MAPK8IP2: variants seen among roughly 807,000 people sequenced by gnomAD.
The protein encoded by MAPK8IP2 is C-Jun-amino-terminal kinase-interacting protein 2.
Under a neutral mutation model 75.6 loss-of-function variants are expected in MAPK8IP2, and 15 were observed. The ratio of observed to expected loss-of-function variants is 0.20; its 90% CI spans 0.13 to 0.31. MAPK8IP2 has a LOEUF of 0.31. Among genes scored for constraint, MAPK8IP2 ranks in the 10% least tolerant of loss-of-function variants. The pLI is 1.00. For synonymous variants in MAPK8IP2, 632 were observed against 554.5 expected, an observed-to-expected ratio of 1.14 and a Z score of -1.96; for missense variants, 1,089 against 1,211.2, an observed-to-expected ratio of 0.90 and a Z score of 1.50.
chr22:50,610,343 G>C lies in MAPK8IP2; in HGVS notation c.2402+33G>C. On this transcript the variant is annotated intron_variant, in intron 11 of 11. Transcript: ENST00000329492. This position sits in a 1 kb window ranked among gnomAD's most constrained non-coding sequence, Gnocchi z 4.3. ...GGGCCCCAGGGTGTGGGTGCAGAATGGGTGCAGGGTTACGGAGGTGGGGAG... is the reference window on the plus strand; with the variant it reads ...GGGCCCCAGGGTGTGGGTGCAGAATCGGTGCAGGGTTACGGAGGTGGGGAG... The C allele has an allele frequency of 6.5e-7, 1 of 1,547,162 alleles. No homozygotes were observed. The highest frequency in any genetic ancestry group is 8.8e-7 in the Non-Finnish European group (1 of 1,135,844).
At chr22:50,605,293 C>T in intron 5 of MAPK8IP2, 75 bp from the exon 6 acceptor site, 1 of 1,444,296 alleles carries the variant, frequency 6.9e-7, no homozygotes. Flanking sequence ...GGCCTCTGCC[C>T]AAGGCCAGGC....
At chr22:50,602,060 C>G (rs1036827243) in intron 2 of MAPK8IP2, among the ~76,000 whole-genome samples, 166 bp downstream of exon 2, 1 of 152,188 alleles carries the variant, frequency 6.6e-6, no homozygotes, top group Non-Finnish European at 1.5e-5. Flanking sequence ...GGTATCAACT[C>G]TCTCTTATTC....
chr22:50,606,537 G>T (rs1235374738), intron 8 of MAPK8IP2, 121 bp from the exon 9 acceptor site: 1 of 735,650 alleles, frequency 1.4e-6, no homozygotes, highest in Non-Finnish European at 2.4e-6. Flanking sequence ...GCATCTCAGG[G>T]TCCTCAGCAT....
In MAPK8IP2 at chr22:50,606,874, C is replaced by T. The variant is rs769614032; in HGVS notation, c.2233-47C>T. 3.3e-5 allele frequency: 53 copies of T among 1,597,252 alleles called. No homozygotes were observed. In the South Asian group the frequency reaches 4.4e-4, roughly 13 times the overall value. ...TCCAGTAGGTGGGAGGCAGGGGTGG[C>T]GCCAGGCCTCCTTTGACACAGGGAC... On this transcript the variant is annotated intron_variant, in intron 9 of 11. Transcript: ENST00000329492.
Position 50,602,310 on chromosome 22 carries a change from G to A in MAPK8IP2, c.171+416G>A, listed in dbSNP as rs575578779. 1.3e-3 allele frequency among the ~76,000 whole-genome samples: 204 copies of A among 152,234 alleles called. 4 individuals are homozygous for A. Among genetic ancestry groups the A allele is most frequent in the African/African-American group, 4.7e-3 (197 of 41,530 alleles). On this transcript the variant is annotated intron_variant, in intron 2 of 11. Transcript: ENST00000329492. Reference sequence around the variant, plus strand: ...TCTCCCCCTGCTGAAATCTTTTCTCGTCCATCTCTTGCTTCTCCTCCTCCC... The same window carrying A: ...TCTCCCCCTGCTGAAATCTTTTCTCATCCATCTCTTGCTTCTCCTCCTCCC...
rs968374858 is a variant in MAPK8IP2 at position 50,610,521 on chromosome 22, C to A, written c.2403-186C>A. Reference sequence around the variant, plus strand: ...CAGACACATGGCCCAGGCACTCTGGCAGGGGTAGAATTGCTGGGCCAGGAG... The same window carrying A: ...CAGACACATGGCCCAGGCACTCTGGAAGGGGTAGAATTGCTGGGCCAGGAG... On this transcript the variant is annotated intron_variant, in intron 11 of 11. Transcript: ENST00000329492. This position sits in a 1 kb window ranked among gnomAD's most constrained non-coding sequence, Gnocchi z 4.3. Among the ~76,000 whole-genome samples, 4 of 151,044 alleles carry A rather than the reference C, an allele frequency of 2.6e-5. No homozygotes were observed. The South Asian group carries it at 8.4e-4, about 32-fold the overall frequency.
chr22:50,601,955 A>T, intron 2 of MAPK8IP2, 61 bp downstream of exon 2: 1 of 1,412,714 alleles, frequency 7.1e-7, no homozygotes, highest in Non-Finnish European at 1.0e-6. Flanking sequence ...GGTTCTTCTT[A>T]GCGTTCACTT....
In MAPK8IP2 at chr22:50,613,743, GACCTCC is replaced by G. The variant is rs2071185148; in HGVS notation, c.*2965_*2970del. On this transcript the variant is annotated 3_prime_UTR_variant, in exon 12 of 12. Transcript: ENST00000329492. The stretch of plus-strand genomic sequence containing the variant: ...TGCCCTTCCCTGTTTGTCACTGGGT[GACCTCC>G]CGTCCTTGTGGGCGCTCCCGGGCCC... The G allele has an allele frequency of 6.6e-6, 1 of 152,200 alleles. No homozygotes were observed. The highest frequency in any genetic ancestry group is 2.4e-5 in the African/African-American group (1 of 41,436). The allele number at this position is 152,200 out of a possible 1,614,324, so 9.4% of individuals were successfully genotyped here.
chr22:50,602,040 A>AGGTT (rs2070947101), intron 2 of MAPK8IP2, 146 bp downstream of exon 2: 2 of 651,896 alleles, frequency 3.1e-6, no homozygotes, highest in African/African-American at 3.6e-5. Context: ...TTAACCCTTG[A>AGGTT]GGTTTCCTTG....
intron 1 of MAPK8IP2, chr22:50,601,243 C>T (rs1482117066): frequency 1.3e-5 from 2 of 155,586 alleles, no homozygotes; most frequent in African/African-American, 2.4e-5. Context: ...TCCCGGTGGC[C>T]TTGGCCTCTT....
Position 50,607,092 on chromosome 22 carries a change from C to T in MAPK8IP2, c.2303+101C>T, listed in dbSNP as rs1162920646. On this transcript the variant is annotated intron_variant, in intron 10 of 11. Coordinates refer to ENST00000329492, the MANE Select transcript of MAPK8IP2 (RefSeq NM_012324.6). This position sits in a 1 kb window ranked among gnomAD's most constrained non-coding sequence, Gnocchi z 5.6. Reference sequence around the variant, plus strand: ...ACAGACCCTGAGGGCTGCCCGTGCCCAGCCCTGAGAGCTCCACCTGCACCC... The same window carrying T: ...ACAGACCCTGAGGGCTGCCCGTGCCTAGCCCTGAGAGCTCCACCTGCACCC... The T allele has an allele frequency of 3.9e-5, 36 of 926,026 alleles. No homozygotes were observed. The highest frequency in any genetic ancestry group is 5.9e-5 in the Non-Finnish European group (34 of 572,010). 57.4% of individuals were successfully genotyped at this position (926,026 alleles called of 1,614,324 possible).
Position 50,604,860 on chromosome 22 carries a change from C to G in MAPK8IP2, c.1561C>G (p.Leu521Val). 6.3e-7 allele frequency: 1 copy of G among 1,599,102 alleles called. No homozygotes were observed. ...YTLVVDEHTQ[L>V]ELVSLRRCAG... ...GCTGGTGGTGGATGAGCACACGCAG[C>G]TGGAGCTGGTGAGCCTGCGGCGCTG... is the stretch of plus-strand genomic sequence containing the variant. The change falls in exon 5 of 12, where the codon CTG becomes GTG. Residue 521 changes from leucine (L) to valine (V), a missense_variant. Physicochemically the swap from Leu to Val is conservative, Grantham distance 32. Around this residue, in one of 2 missense-constraint regions of MAPK8IP2, gnomAD observed 960 missense variants for 1,009.6 expected, o/e 0.95. Coordinates refer to ENST00000329492, the MANE Select transcript of MAPK8IP2 (RefSeq NM_012324.6).
rs2070985135 is a variant in MAPK8IP2, at chr22:50,603,828, C to A, written c.542-13C>A. The A allele has an allele frequency of 6.6e-7, 1 of 1,525,106 alleles. No individual in the cohort carries two copies. The highest frequency in any genetic ancestry group is 1.4e-5 in the African/African-American group (1 of 72,632). 94.5% of individuals were successfully genotyped at this position (1,525,106 alleles called of 1,614,324 possible). On this transcript the variant is annotated splice_polypyrimidine_tract_variant and intron_variant, in intron 4 of 11. Transcript: ENST00000329492. ...TGGTGCAGAGAGGGTGACCCCACCTCCCTGCCCAGCAGAGCTCCCGGGCCC... is the reference window on the plus strand; with the variant it reads ...TGGTGCAGAGAGGGTGACCCCACCTACCTGCCCAGCAGAGCTCCCGGGCCC...
rs1253126280 is a variant in MAPK8IP2 at position 50,607,926 on chromosome 22, A to G, written c.2303+935A>G. Among the ~76,000 whole-genome samples, 3 of 152,118 alleles carry G rather than the reference A, an allele frequency of 2.0e-5. No individual in the cohort carries two copies. Among genetic ancestry groups the G allele is most frequent in the Admixed American group, 2.0e-4 (3 of 15,264 alleles). On this transcript the variant is annotated intron_variant, in intron 10 of 11. Coordinates refer to ENST00000329492, the MANE Select transcript of MAPK8IP2 (RefSeq NM_012324.6). This position sits in a 1 kb window ranked among gnomAD's most constrained non-coding sequence, Gnocchi z 5.6. The stretch of plus-strand genomic sequence containing the variant: ...CAAGGGGGGCTGCCAGCTTCCCTCC[A>G]GGCACAGGCCCCTGCCCTCTGTGTC...
chr22:50,607,062 TC>T lies in MAPK8IP2; in HGVS notation c.2303+75del. 8.0e-7 allele frequency: 1 copy of T among 1,251,522 alleles called. No individual in the cohort carries two copies. Among genetic ancestry groups the T allele is most frequent in the Non-Finnish European group, 1.2e-6 (1 of 853,944 alleles). The allele number at this position is 1,251,522 out of a possible 1,614,324, so 77.5% of individuals were successfully genotyped here. Reference sequence around the variant, plus strand: ...CCTGAGAGTCCAACCGCCCCCTGAGTCCCCACAGACCCTGAGGGCTGCCCGT... The same window carrying T: ...CCTGAGAGTCCAACCGCCCCCTGAGTCCCACAGACCCTGAGGGCTGCCCGT... On this transcript the variant is annotated intron_variant, in intron 10 of 11. Coordinates refer to ENST00000329492, the MANE Select transcript of MAPK8IP2 (RefSeq NM_012324.6). The surrounding 1 kb of genome is among the most constrained non-coding windows in gnomAD (Gnocchi z 5.6).
In MAPK8IP2 at chr22:50,603,311, A is replaced by G. The variant is rs757078113; in HGVS notation, c.260A>G (p.Asn87Ser). ...DFQEFEMIDD[N>S]EEEDDEDEEE... ...CAGGAGTTTGAGATGATCGATGACAATGAAGAGGAGGACGATGAGGACGAG... is the reference window on the plus strand; with the variant it reads ...CAGGAGTTTGAGATGATCGATGACAGTGAAGAGGAGGACGATGAGGACGAG... Residue 87 changes from asparagine to serine, a missense_variant, in exon 3 of 12, where the codon AAT becomes AGT. Transcript: ENST00000329492. The G allele has an allele frequency of 1.3e-5, 21 of 1,568,702 alleles. No homozygotes were observed. Among genetic ancestry groups the G allele is most frequent in the Non-Finnish European group, 3.5e-6 (4 of 1,159,324 alleles).
intron 8 of MAPK8IP2, 127 bp downstream of exon 8, chr22:50,606,061 G>T: frequency 1.2e-6 from 1 of 809,186 alleles, no homozygotes; most frequent in Non-Finnish European, 1.9e-6. Context: ...GGGTCTGGGG[G>T]ATGCTGCAGG....
At chr22:50,601,711 C>T (rs2070941346) in intron 1 of MAPK8IP2, 78 bp from the exon 2 acceptor site, 2 of 1,069,694 alleles carry the variant, frequency 1.9e-6, no homozygotes, top group South Asian at 2.6e-5. Flanking sequence ...CTGACGCCTC[C>T]CTCTGCCCCT....
chr22:50,608,293 G>T (rs200850753), intron 10 of MAPK8IP2, among the ~76,000 whole-genome samples: 1 of 151,404 alleles, frequency 6.6e-6, no homozygotes, highest in African/African-American at 2.4e-5. Flanking sequence ...AGACCAGACT[G>T]CGGGGCCAGC....
Sources: gnomAD v4.1 joint callset for allele counts (sites outside exome capture counted in the v4.1 genomes callset) on GRCh38, gnomAD v4.1.1 for gene constraint, gnomAD v4.1.1 regional missense constraint, Gnocchi (gnomAD v3.1) non-coding constraint, MANE v1.5 for transcripts, NCBI Gene and HGNC (gene_info 2026-07-23, HGNC 2026-07-21) for gene names.